Variants in SNX29 observed in about 807,000 individuals in gnomAD.
SNX29 encodes sorting nexin 29, also known as sorting nexin-29.
In SNX29, 78 loss-of-function variants were observed where a neutral mutation model predicts 102.1. That is an observed-to-expected ratio of 0.76 (90% CI 0.64 to 0.92). The LOEUF (loss-of-function observed/expected upper bound fraction) is 0.92, where lower values mean the gene tolerates loss of function less well. Ranked by LOEUF, SNX29 falls within the 40% of genes least tolerant of loss-of-function variation. SNX29 has a pLI of 0.00. For missense variants in SNX29, 1,280 were observed against 1,061.7 expected (o/e 1.21, Z -2.86); for synonymous variants, 580 against 414.5 (o/e 1.40, Z -4.85).
intron 1 of SNX29, among the ~76,000 whole-genome samples, chr16:11,983,930 C>G (rs1596524588): frequency 6.6e-6 from 1 of 152,224 alleles, no homozygotes. Context: ...AAAAAACTTA[C>G]TTGGATGTAT....
chr16:12,288,239 G>C (rs757150126), intron 15 of SNX29, among the ~76,000 whole-genome samples: 6 of 152,274 alleles, frequency 3.9e-5, no homozygotes, highest in Middle Eastern at 3.4e-3. Flanking sequence ...CTTTCCATCA[G>C]ACATGCCCGT....
intron 18 of SNX29, among the ~76,000 whole-genome samples, chr16:12,464,211 C>G (rs1354847530): frequency 7.4e-6 from 1 of 135,732 alleles, no homozygotes; most frequent in Non-Finnish European, 1.6e-5. Context: ...TTTTTTATGG[C>G]TGAATATTAT....
chr16:12,117,088 T>C (rs945775475), intron 11 of SNX29, among the ~76,000 whole-genome samples: 14 of 123,550 alleles, frequency 1.1e-4, no homozygotes, highest in East Asian at 2.5e-4. Context: ...GAAACAGGCG[T>C]GGTCAATACG....
chr16:12,265,649 C>G (rs187414780), intron 14 of SNX29, among the ~76,000 whole-genome samples: 11 of 131,416 alleles, frequency 8.4e-5, no homozygotes, highest in Non-Finnish European at 1.2e-4. Context: ...TCAATTGTGC[C>G]TAGGAGTTTG....
intron 20 of SNX29, among the ~76,000 whole-genome samples, chr16:12,541,821 C>T (rs551479094): frequency 1.6e-3 from 236 of 152,174 alleles, no homozygotes; most frequent in African/African-American, 5.3e-3. Context: ...ACCAAGCTCG[C>T]CTCTTCCCCT....
At position 12,541,202 on chromosome 16, in the gene SNX29, T is replaced by A. The variant is rs192268704; in HGVS notation, c.2318+16361T>A. 1.1e-4 allele frequency among the ~76,000 whole-genome samples: 16 copies of A among 152,238 alleles called. No individual in the cohort carries two copies. In the East Asian group the frequency reaches 3.1e-3, roughly 29 times the overall value. ...CAGTATTGTCTATCCTGAAGTATTA[T>A]GGAATATTGGTGCATGGAGAGAAGG... On this transcript the variant is annotated intron_variant, in intron 20 of 20. Transcript: ENST00000566228.
At chr16:12,538,031 T>C (rs544515438) in intron 20 of SNX29, among the ~76,000 whole-genome samples, 1 of 152,002 alleles carries the variant, frequency 6.6e-6, no homozygotes, top group East Asian at 1.9e-4. Context: ...ACCAAAATCG[T>C]CCTGTCCTGC....
chr16:12,570,353 C>T lies in SNX29; in HGVS notation c.*1724C>T. 1 of 567,540 alleles carries T rather than the reference C, an allele frequency of 1.8e-6. No homozygotes were observed. The highest frequency in any genetic ancestry group is 8.1e-5 in the South Asian group (1 of 12,348). 35.2% of individuals were successfully genotyped at this position (567,540 alleles called of 1,614,324 possible). A position where few individuals can be genotyped will look rare whatever the true frequency, so the allele number is the denominator to read the frequency against. Reference sequence around the variant, plus strand: ...GGTCTCCCTCCCACTCACCTGCCAACATTGCTGCAATACACATGGTTTATC... The same window carrying T: ...GGTCTCCCTCCCACTCACCTGCCAATATTGCTGCAATACACATGGTTTATC... On this transcript the variant is annotated 3_prime_UTR_variant, in exon 21 of 21. Coordinates refer to ENST00000566228, the MANE Select transcript of SNX29 (RefSeq NM_032167.5).
At chr16:12,417,652 C>G (rs201085657) in intron 18 of SNX29, among the ~76,000 whole-genome samples, 1 of 151,942 alleles carries the variant, frequency 6.6e-6, no homozygotes, top group East Asian at 1.9e-4. Context: ...CCTGTCATTT[C>G]CCTCTTCCCT....
chr16:12,390,963 C>T (rs755480297), intron 16 of SNX29, among the ~76,000 whole-genome samples: 11 of 151,944 alleles, frequency 7.2e-5, no homozygotes, highest in Non-Finnish European at 1.6e-4. Flanking sequence ...TTTATTGTTT[C>T]GAGATGGGGT....
intron 13 of SNX29, among the ~76,000 whole-genome samples, chr16:12,134,746 C>G (rs1048649357): frequency 9.2e-5 from 14 of 152,210 alleles, no homozygotes; most frequent in African/African-American, 3.4e-4. Flanking sequence ...ACTGAGGCCA[C>G]CTTGAAGGCT....
At chr16:12,043,142 T>G in intron 5 of SNX29, 65 bp downstream of exon 5, 1 of 1,577,938 alleles carries the variant, frequency 6.3e-7, no homozygotes, top group African/African-American at 1.3e-5. Flanking sequence ...GAGTCTGGAA[T>G]CAGACCACCT....
chr16:12,554,570 G>C (rs528032624), intron 20 of SNX29, among the ~76,000 whole-genome samples: 30 of 152,296 alleles, frequency 2.0e-4, no homozygotes, highest in African/African-American at 6.7e-4. Context: ...ATTTCTTAAA[G>C]CTGACACCAA....
In SNX29 at chr16:12,568,550, C is replaced by T. The variant is rs756591672; in HGVS notation, c.2363C>T (p.Ala788Val). 6.2e-7 allele frequency: 1 copy of T among 1,609,550 alleles called. No homozygotes were observed. The highest frequency in any genetic ancestry group is 8.5e-7 in the Non-Finnish European group (1 of 1,179,858). The change falls in exon 21 of 21, where the codon GCA becomes GTA. Residue 788 changes from alanine to valine, a missense_variant. Coordinates refer to ENST00000566228, the MANE Select transcript of SNX29 (RefSeq NM_032167.5). ...PGEPVNSRPK[A>V]ASRFPKLSRG... is the part of the protein sequence containing the mutation. ...GAGCCTGTGAACAGCCGGCCCAAAG[C>T]AGCTTCCCGCTTCCCCAAACTGTCC...
intron 1 of SNX29, 71 bp downstream of exon 1, chr16:11,976,884 G>A (rs1161558118): frequency 3.9e-6 from 5 of 1,290,194 alleles, no homozygotes; most frequent in Non-Finnish European, 3.9e-6. Context: ...TGCACACTCC[G>A]GCCCCTGCGT....
chr16:12,486,450 C>G (rs531887834), intron 19 of SNX29, among the ~76,000 whole-genome samples: 3 of 152,298 alleles, frequency 2.0e-5, no homozygotes, highest in Non-Finnish European at 4.4e-5. Context: ...CTTCCTTGTC[C>G]TGGGTAGACA....
At chr16:12,200,958 T>C (rs2076900700) in intron 14 of SNX29, among the ~76,000 whole-genome samples, 1 of 152,224 alleles carries the variant, frequency 6.6e-6, no homozygotes, top group African/African-American at 2.4e-5. Flanking sequence ...ACCTGGCATA[T>C]AATAAATGGT....
Position 12,538,275 on chromosome 16 carries a change from C to T in SNX29, c.2318+13434C>T, listed in dbSNP as rs967130574. On this transcript the variant is annotated intron_variant, in intron 20 of 20. Transcript: ENST00000566228. ...GGATTACAGGGATCTGCCACCACAC[C>T]TGGCTAATTTTGTATTTTTGTTTTT... is the stretch of plus-strand genomic sequence containing the variant. Among the ~76,000 whole-genome samples the T allele has an allele frequency of 9.9e-5, 15 of 152,260 alleles. No individual in the cohort carries two copies. The South Asian group carries it at 2.7e-3, about 27-fold the overall frequency.
chr16:12,387,885 A>T (rs2083391642), intron 16 of SNX29, among the ~76,000 whole-genome samples: 1 of 152,178 alleles, frequency 6.6e-6, no homozygotes, highest in Admixed American at 6.5e-5. Context: ...TGACTGGTGG[A>T]AATTAAACTC....
Sources: allele counts gnomAD v4.1 joint callset (sites outside exome capture counted in the v4.1 genomes callset), GRCh38; gene constraint gnomAD v4.1.1; transcripts MANE v1.5; gene names NCBI Gene and HGNC (gene_info 2026-07-23, HGNC 2026-07-21).